The following PSMD8 variants were observed in gnomAD, a reference collection of about 807,000 sequenced individuals.
PSMD8 encodes the protein proteasome 26S subunit, non-ATPase 8, also known as 26S proteasome non-ATPase regulatory subunit 8.
PSMD8 carries 30 observed loss-of-function variants against 40.0 expected under a neutral mutation model. That is an observed-to-expected ratio of 0.75 (90% CI 0.56 to 1.02). The LOEUF is 1.02. Ranked by LOEUF, PSMD8 falls within the 50% of genes least tolerant of loss-of-function variation. The pLI is 0.00. For synonymous variants in PSMD8, 208 were observed against 192.5 expected, an observed-to-expected ratio of 1.08 and a Z score of -0.67; for missense variants, 461 against 463.9, an observed-to-expected ratio of 0.99 and a Z score of 0.06.
At chr19:38,379,834 G>A (rs1008522598) in intron 4 of PSMD8, among the ~76,000 whole-genome samples, 3 of 152,250 alleles carry the variant, frequency 2.0e-5, no homozygotes, top group Admixed American at 6.5e-5. Context: ...ACTGGCTTAT[G>A]CCTGTAATCT....
chr19:38,381,628 T>C (rs901453838), intron 5 of PSMD8, among the ~76,000 whole-genome samples: 1 of 152,206 alleles, frequency 6.6e-6, no homozygotes, highest in Non-Finnish European at 1.5e-5. Flanking sequence ...CTAAGCGATA[T>C]TGGAGGCACT....
Position 38,374,636 on chromosome 19 carries a change from C to T in PSMD8, c.35C>T (p.Pro12Leu). The change falls in exon 1 of 7, where the codon CCT (proline) becomes CTT (leucine). Residue 12 changes from proline (P) to leucine (L), a missense_variant. Coordinates refer to ENST00000215071, the MANE Select transcript of PSMD8 (RefSeq NM_002812.5). ...AAGGGCAGGGCTCCGAGGGCGCCAC[C>T]TCGAGAGCGACGGCGGGCTACCCGG... ...FIKGRAPRAP[P>L]RERRRATRGG... The T allele has an allele frequency of 6.6e-7, 1 of 1,512,706 alleles. No homozygotes were observed. The allele number at this position is 1,512,706 out of a possible 1,614,324, so 93.7% of individuals were successfully genotyped here.
chr19:38,382,640 G>A (rs896354531), intron 6 of PSMD8: 1 of 327,266 alleles, frequency 3.1e-6, no homozygotes, highest in Non-Finnish European at 5.6e-6. Context: ...GCACCAAGGT[G>A]GATCCTCCCA....
intron 3 of PSMD8, among the ~76,000 whole-genome samples, chr19:38,376,658 T>C (rs1057140390): frequency 1.3e-5 from 2 of 152,182 alleles, no homozygotes; most frequent in African/African-American, 4.8e-5. Flanking sequence ...CATTCCCACA[T>C]TGCACCCCCT....
chr19:38,374,777 C>A lies in PSMD8; in HGVS notation c.176C>A (p.Ala59Asp), dbSNP rs200109220. 5.9e-4 allele frequency: 932 copies of A among 1,569,730 alleles called. 7 individuals carry two copies. In the African/African-American group the frequency reaches 0.012, roughly 20 times the overall value. ...TGCCGTAAATCAGGCGGTCTGCTTG[C>A]CGCATCACGCAAGATGGCGGCCGCG... ...RRCRKSGGLL[A>D]ASRKMAAAAV... The change falls in exon 1 of 7, where the codon GCC (alanine) becomes GAC (aspartate). Residue 59 changes from alanine (A) to aspartate (D), a missense_variant. Coordinates refer to ENST00000215071, the MANE Select transcript of PSMD8 (RefSeq NM_002812.5).
chr19:38,382,687 G>A (rs1229737075), intron 6 of PSMD8: 2 of 231,982 alleles, frequency 8.6e-6, no homozygotes, highest in South Asian at 1.1e-4. Flanking sequence ...TGGGAGGATC[G>A]CCTGAGGTCA....
At position 38,379,402 on chromosome 19, in the gene PSMD8, G is replaced by A; in HGVS notation, c.699G>A (p.Glu233=). The A allele has an allele frequency of 1.2e-6, 2 of 1,613,970 alleles. No individual in the cohort carries two copies. Among genetic ancestry groups the A allele is most frequent in the Non-Finnish European group, 1.7e-6 (2 of 1,179,868 alleles). Residue 233 remains glutamate (E), a synonymous_variant, in exon 4 of 7, where the codon GAG becomes GAA. Transcript: ENST00000215071. ...ACATCAAGCACCCAGTGTCCCTGGA[G>A]CAAGTGAGATGGCAAGGGGCAGGGG... The part of the protein sequence containing the change: ...NVYIKHPVSL[E]QYLMEGSYNK...
intron 5 of PSMD8, among the ~76,000 whole-genome samples, chr19:38,381,674 C>T (rs1970641462): frequency 6.6e-6 from 1 of 152,208 alleles, no homozygotes; most frequent in South Asian, 2.1e-4. Flanking sequence ...GAGCTTACCC[C>T]CTCCCTCACT....
intron 5 of PSMD8, 41 bp from the exon 6 acceptor site, chr19:38,382,076 T>G: frequency 6.9e-7 from 1 of 1,458,718 alleles, no homozygotes; most frequent in Non-Finnish European, 9.4e-7. Flanking sequence ...CCTGGGAGGT[T>G]GTTGATGCTC....
At chr19:38,380,413 T>G (rs1244543481) in intron 4 of PSMD8, among the ~76,000 whole-genome samples, 1 of 152,112 alleles carries the variant, frequency 6.6e-6, no homozygotes, top group East Asian at 1.9e-4. Context: ...TGGAACAAAG[T>G]GAGCAGGGCC....
chr19:38,380,843 G>A (rs1476361234), intron 4 of PSMD8, 56 bp from the exon 5 acceptor site: 1 of 1,375,090 alleles, frequency 7.3e-7, no homozygotes, highest in Non-Finnish European at 9.9e-7. Flanking sequence ...ACACAGGTAG[G>A]CCCCTTTGCA....
At chr19:38,378,870 T>C (rs1202190359) in intron 3 of PSMD8, among the ~76,000 whole-genome samples, 16 of 151,508 alleles carry the variant, frequency 1.1e-4, no homozygotes, top group Non-Finnish European at 5.9e-5. Context: ...GGAGAATCGC[T>C]TGAACCCGGC....
At position 38,382,434 on chromosome 19, in the gene PSMD8, C is replaced by T. The variant is rs534955923; in HGVS notation, c.915+206C>T. The T allele has an allele frequency of 1.4e-3, 835 of 596,878 alleles. 3 individuals carry two copies. The highest frequency in any genetic ancestry group is 2.3e-3 in the Non-Finnish European group (774 of 333,780). 37.0% of individuals were successfully genotyped at this position (596,878 alleles called of 1,614,324 possible). A position where few individuals can be genotyped will look rare whatever the true frequency, so the allele number is the denominator to read the frequency against. ...TACATGGGATGAGCTTAGTACCTGG[C>T]AGCAGCTGGAGGTGGGCGCTGCACG... is the stretch of plus-strand genomic sequence containing the variant. On this transcript the variant is annotated intron_variant, in intron 6 of 6. Coordinates refer to ENST00000215071, the MANE Select transcript of PSMD8 (RefSeq NM_002812.5).
Position 38,383,599 on chromosome 19 carries a change from T to G in PSMD8, c.*209T>G. 4.6e-6 allele frequency: 3 copies of G among 655,784 alleles called. No individual in the cohort carries two copies. Among genetic ancestry groups the G allele is most frequent in the Non-Finnish European group, 7.6e-6 (3 of 394,930 alleles). The allele number at this position is 655,784 out of a possible 1,614,324, so 40.6% of individuals were successfully genotyped here. On this transcript the variant is annotated 3_prime_UTR_variant, in exon 7 of 7. Coordinates refer to ENST00000215071, the MANE Select transcript of PSMD8 (RefSeq NM_002812.5). ...GATAGCCTCCAACTGGGTCAGCCTCTGTCTGGTGGGCATTGCTCAGGGTCT... is the reference window on the plus strand; with the variant it reads ...GATAGCCTCCAACTGGGTCAGCCTCGGTCTGGTGGGCATTGCTCAGGGTCT...
Position 38,383,560 on chromosome 19 carries a change from A to G in PSMD8, c.*170A>G. 1 of 921,732 alleles carries G rather than the reference A, an allele frequency of 1.1e-6. No homozygotes were observed. The highest frequency in any genetic ancestry group is 1.6e-6 in the Non-Finnish European group (1 of 621,418). 57.1% of individuals were successfully genotyped at this position (921,732 alleles called of 1,614,324 possible). On this transcript the variant is annotated 3_prime_UTR_variant, in exon 7 of 7. Coordinates refer to ENST00000215071, the MANE Select transcript of PSMD8 (RefSeq NM_002812.5). ...CTGAAGAACTTGGAGGTTTTGGGGCATTCAGGAGTTGGAGATAGCCTCCAA... is the reference window on the plus strand; with the variant it reads ...CTGAAGAACTTGGAGGTTTTGGGGCGTTCAGGAGTTGGAGATAGCCTCCAA...
chr19:38,382,038 G>A (rs1304778721), intron 5 of PSMD8, 79 bp from the exon 6 acceptor site: 2 of 999,172 alleles, frequency 2.0e-6, no homozygotes, highest in African/African-American at 3.2e-5. Context: ...GGTCAGAGCT[G>A]ACACATGTCA....
chr19:38,381,022 G>T (rs1379789419), intron 5 of PSMD8, 23 bp downstream of exon 5: 4 of 1,510,158 alleles, frequency 2.6e-6, no homozygotes, highest in East Asian at 2.5e-5. Flanking sequence ...GCCGGGCCCT[G>T]TGGAGTTTGG....
intron 4 of PSMD8, among the ~76,000 whole-genome samples, chr19:38,379,904 T>C (rs1970625680): frequency 2.0e-5 from 3 of 152,174 alleles, no homozygotes; most frequent in African/African-American, 7.2e-5. Flanking sequence ...AAGGCTGCAG[T>C]GTGCTATGAT....
rs149846873 is a variant in PSMD8 at position 38,377,782 on chromosome 19, G to A, written c.536+1328G>A. 2.6e-3 allele frequency among the ~76,000 whole-genome samples: 403 copies of A among 152,194 alleles called. 2 individuals are homozygous for A. The highest frequency in any genetic ancestry group is 9.1e-3 in the African/African-American group (378 of 41,524). On this transcript the variant is annotated intron_variant, in intron 3 of 6. Coordinates refer to ENST00000215071, the MANE Select transcript of PSMD8 (RefSeq NM_002812.5). The stretch of plus-strand genomic sequence containing the variant: ...AGCCTCCTGAGTAGCTGGTATTACA[G>A]GTGCCCACGACCACGCCCAGCTAAT...
Sources: gnomAD v4.1 joint callset for allele counts (sites outside exome capture counted in the v4.1 genomes callset) on GRCh38, gnomAD v4.1.1 for gene constraint, MANE v1.5 for transcripts, NCBI Gene and HGNC (gene_info 2026-07-23, HGNC 2026-07-21) for gene names.